Variants in GRM5 observed in about 807,000 individuals in gnomAD.
GRM5 encodes the protein metabotropic glutamate receptor 5.
GRM5 carries 19 observed loss-of-function variants against 83.1 expected under a neutral mutation model. The observed-to-expected ratio is 0.23, with a 90% CI of 0.16 to 0.34. GRM5 has a LOEUF of 0.34. Among genes scored for constraint, GRM5 ranks in the 10% least tolerant of loss-of-function variants. The pLI is 1.00. For synonymous variants in GRM5, 675 were observed against 633.6 expected (o/e 1.07, Z -0.98); for missense variants, 1,160 against 1,588.3 (o/e 0.73, Z 4.58).
At position 88,975,959 on chromosome 11, in the gene GRM5, C is replaced by G. The variant is rs551835124; in HGVS notation, c.661+71253G>C. Among the ~76,000 whole-genome samples, 53 of 152,242 alleles carry G rather than the reference C, an allele frequency of 3.5e-4. 1 individual carries two copies. The highest frequency in any genetic ancestry group is 1.3e-3 in the African/African-American group (52 of 41,546). The stretch of plus-strand genomic sequence containing the variant: ...GTTATGAATATAATGTGCCTAGCTT[C>G]CATTTGAACAGAGAGCTATGGTCTC... On this transcript the variant is annotated intron_variant, in intron 2 of 9. Coordinates refer to ENST00000305447, the MANE Select transcript of GRM5 (RefSeq NM_001143831.3).
chr11:88,789,324 G>C (rs1054099902), intron 3 of GRM5, among the ~76,000 whole-genome samples: 2 of 151,508 alleles, frequency 1.3e-5, no homozygotes, highest in African/African-American at 4.9e-5. Context: ...AGGTCTGGAG[G>C]CCAAGTTCCA....
At chr11:88,765,521 C>G (rs1029206464) in intron 3 of GRM5, among the ~76,000 whole-genome samples, 2 of 151,360 alleles carry the variant, frequency 1.3e-5, no homozygotes, top group African/African-American at 2.4e-5. Context: ...AACAGAGAGC[C>G]TAGAAACAAT....
In GRM5 at chr11:88,507,620, T is replaced by C. The variant is rs1941212895; in HGVS notation, c.*972A>G. The C allele has an allele frequency of 1.3e-5, 2 of 152,244 alleles. No homozygotes were observed. Among genetic ancestry groups the C allele is most frequent in the South Asian group, 4.1e-4 (2 of 4,828 alleles). The allele number at this position is 152,244 out of a possible 1,614,324, so 9.4% of individuals were successfully genotyped here. A position where few individuals can be genotyped will look rare whatever the true frequency, so the allele number is the denominator to read the frequency against. On this transcript the variant is annotated 3_prime_UTR_variant, in exon 10 of 10. Coordinates refer to ENST00000305447, the MANE Select transcript of GRM5 (RefSeq NM_001143831.3). The stretch of plus-strand genomic sequence containing the variant: ...AAAGGAATGAAGAAGCCCCAATGCA[T>C]ATTTTAATATTTTAGTTGGCAATGC...
At chr11:88,591,115 C>T (rs1937631956) in intron 6 of GRM5, among the ~76,000 whole-genome samples, 1 of 152,166 alleles carries the variant, frequency 6.6e-6, no homozygotes, top group African/African-American at 2.4e-5. Flanking sequence ...CTGGATTTAC[C>T]TTAGCTTCCT....
chr11:88,649,708 T>A (rs1175136058), intron 4 of GRM5, among the ~76,000 whole-genome samples: 1 of 151,038 alleles, frequency 6.6e-6, no homozygotes, highest in Non-Finnish European at 1.5e-5. Context: ...CTATACTCAG[T>A]GAAAATATCT....
intron 3 of GRM5, among the ~76,000 whole-genome samples, chr11:88,836,776 TAGAGTG>T (rs1944102329): frequency 6.6e-6 from 1 of 151,984 alleles, no homozygotes; most frequent in Non-Finnish European, 1.5e-5. Context: ...GCTTGGGTGA[TAGAGTG>T]AGTGAGATTC....
At chr11:88,607,279 G>GCCAAGTCAAACACTT (rs1488070622) in intron 4 of GRM5, among the ~76,000 whole-genome samples, 2 of 152,076 alleles carry the variant, frequency 1.3e-5, no homozygotes, top group Non-Finnish European at 2.9e-5. Context: ...TATTCTAGTT[G>GCCAAGTCAAACACTT]CCAAGTCAAA....
chr11:89,031,918 T>C (rs1941271225), intron 2 of GRM5, among the ~76,000 whole-genome samples: 1 of 152,012 alleles, frequency 6.6e-6, no homozygotes, highest in African/African-American at 2.4e-5. Context: ...ACTCGAGAAG[T>C]TACAGTTGAA....
At chr11:88,924,966 A>AT (rs1243592617) in intron 2 of GRM5, among the ~76,000 whole-genome samples, 2 of 152,000 alleles carry the variant, frequency 1.3e-5, no homozygotes, top group Non-Finnish European at 2.9e-5. Context: ...TAAAAAAATC[A>AT]TTTTGGGGGA....
At chr11:89,029,749 C>G (rs939685205) in intron 2 of GRM5, among the ~76,000 whole-genome samples, 1 of 152,026 alleles carries the variant, frequency 6.6e-6, no homozygotes, top group African/African-American at 2.4e-5. Context: ...TCCTAAATGC[C>G]TTATATTAAA....
At chr11:88,651,012 CA>C (rs2135302968) in intron 4 of GRM5, among the ~76,000 whole-genome samples, 1 of 151,846 alleles carries the variant, frequency 6.6e-6, no homozygotes, top group South Asian at 2.1e-4. Context: ...GACGAGATTC[CA>C]AGGGGGGGGA....
At chr11:88,994,485 A>ATATATATATATG (rs1491507869) in intron 2 of GRM5, among the ~76,000 whole-genome samples, 2 of 123,480 alleles carry the variant, frequency 1.6e-5, no homozygotes, top group African/African-American at 6.1e-5. Flanking sequence ...ATATATATAT[A>ATATATATATATG]TTACAATTGC....
chr11:88,806,486 A>T (rs1943500659), intron 3 of GRM5, among the ~76,000 whole-genome samples: 1 of 152,186 alleles, frequency 6.6e-6, no homozygotes, highest in East Asian at 1.9e-4. Context: ...AATGAGTTCG[A>T]ATTCCTTTGG....
At chr11:88,854,754 C>T (rs781183521) in intron 2 of GRM5, among the ~76,000 whole-genome samples, 2 of 151,708 alleles carry the variant, frequency 1.3e-5, no homozygotes, top group Non-Finnish European at 2.9e-5. Context: ...ATGTAACAAA[C>T]CTGCACATGA....
chr11:88,753,048 C>T (rs974791986), intron 3 of GRM5, among the ~76,000 whole-genome samples: 1 of 152,068 alleles, frequency 6.6e-6, no homozygotes, highest in South Asian at 2.1e-4. Context: ...GAGGCATGAG[C>T]AAATATTTCA....
intron 3 of GRM5, among the ~76,000 whole-genome samples, chr11:88,811,282 C>T (rs909883984): frequency 6.6e-6 from 1 of 151,886 alleles, no homozygotes; most frequent in Admixed American, 6.6e-5. Flanking sequence ...TTTTGATAGA[C>T]TTTGTGACAG....
At chr11:88,705,333 A>G (rs1941129439) in intron 3 of GRM5, among the ~76,000 whole-genome samples, 1 of 152,060 alleles carries the variant, frequency 6.6e-6, no homozygotes, top group Non-Finnish European at 1.5e-5. Context: ...AATCTCCCCA[A>G]GAGATTTTAA....
At chr11:88,865,337 T>C (rs577121859) in intron 2 of GRM5, among the ~76,000 whole-genome samples, 230 of 152,268 alleles carry the variant, frequency 1.5e-3, no homozygotes, top group Non-Finnish European at 2.7e-3. Flanking sequence ...TAAATGGTGT[T>C]GGGAAAACTG....
At chr11:88,902,734 T>C (rs1945332323) in intron 2 of GRM5, among the ~76,000 whole-genome samples, 1 of 151,724 alleles carries the variant, frequency 6.6e-6, no homozygotes, top group Non-Finnish European at 1.5e-5. Flanking sequence ...AGCAGGCGGA[T>C]CATGAGGTCT....
Sources: allele counts gnomAD v4.1 joint callset (sites outside exome capture counted in the v4.1 genomes callset), GRCh38; gene constraint gnomAD v4.1.1; transcripts MANE v1.5; gene names NCBI Gene and HGNC (gene_info 2026-07-23, HGNC 2026-07-21).